Variants in STK17A observed in about 807,000 individuals in gnomAD.
STK17A encodes the protein serine/threonine kinase 17a.
A neutral mutation model predicts 43.7 loss-of-function variants in STK17A; 26 were observed. That is an observed-to-expected ratio of 0.60 (90% CI 0.44 to 0.83). STK17A has a LOEUF of 0.83. STK17A is among the 40% of genes least tolerant of loss of function. The pLI is 0.00. For missense variants in STK17A, 476 were observed against 511.6 expected, an observed-to-expected ratio of 0.93 and a Z score of 0.67; for synonymous variants, 191 against 182.5, an observed-to-expected ratio of 1.05 and a Z score of -0.38.
chr7:43,604,885 C>G (rs2082578292), intron 2 of STK17A, among the ~76,000 whole-genome samples: 2 of 151,806 alleles, frequency 1.3e-5, no homozygotes, highest in African/African-American at 4.8e-5. Flanking sequence ...TTCCCTCCCT[C>G]TCTCTCTCTG....
chr7:43,586,489 G>T (rs1487699110), intron 1 of STK17A, among the ~76,000 whole-genome samples: 2 of 151,434 alleles, frequency 1.3e-5, no homozygotes, highest in Non-Finnish European at 1.5e-5. Flanking sequence ...AAGCTTGACT[G>T]GTTAAGGCTT....
intron 2 of STK17A, among the ~76,000 whole-genome samples, chr7:43,597,639 C>T (rs1232559606): frequency 2.0e-5 from 3 of 152,200 alleles, no homozygotes; most frequent in African/African-American, 7.2e-5. Context: ...TCCACCTCGG[C>T]CTCCCAAAGT....
intron 1 of STK17A, among the ~76,000 whole-genome samples, chr7:43,592,750 C>T (rs1802681533): frequency 6.6e-6 from 1 of 151,036 alleles, no homozygotes; most frequent in Admixed American, 6.6e-5. Flanking sequence ...CTTGTAATTC[C>T]AGCTATTCAG....
chr7:43,610,696 G>A (rs542450584), intron 3 of STK17A, among the ~76,000 whole-genome samples: 1 of 152,114 alleles, frequency 6.6e-6, no homozygotes, highest in Non-Finnish European at 1.5e-5. Context: ...GGCACATTCC[G>A]TAATACCTTT....
chr7:43,606,910 G>A (rs974722760), intron 2 of STK17A, among the ~76,000 whole-genome samples: 1 of 113,224 alleles, frequency 8.8e-6, no homozygotes, highest in Non-Finnish European at 1.9e-5. Flanking sequence ...CTAGCTTTTC[G>A]ATTTTCTTTT....
chr7:43,609,642 CTG>C (rs1325908458), intron 3 of STK17A: 1 of 152,192 alleles, frequency 6.6e-6, no homozygotes, highest in African/African-American at 2.4e-5. Context: ...CCAGGTGCAA[CTG>C]TGGGGAAATG....
chr7:43,590,984 CT>C (rs375396646), intron 1 of STK17A, among the ~76,000 whole-genome samples: 1 of 151,628 alleles, frequency 6.6e-6, no homozygotes, highest in African/African-American at 2.4e-5. Flanking sequence ...TACAATGTGG[CT>C]GTGTAGAACA....
At chr7:43,591,606 T>A (rs2082480379) in intron 1 of STK17A, among the ~76,000 whole-genome samples, 1 of 151,574 alleles carries the variant, frequency 6.6e-6, no homozygotes, top group African/African-American at 2.4e-5. Context: ...TAGTCATTGA[T>A]ATGAAAGGAG....
intron 3 of STK17A, among the ~76,000 whole-genome samples, chr7:43,614,524 T>G (rs1373755771): frequency 6.6e-6 from 1 of 152,234 alleles, no homozygotes; most frequent in African/African-American, 2.4e-5. Context: ...ATCGAAGAAC[T>G]AACAGAGCTT....
chr7:43,593,906 G>GA (rs1364395978), intron 1 of STK17A, among the ~76,000 whole-genome samples: 1 of 151,918 alleles, frequency 6.6e-6, no homozygotes, highest in Non-Finnish European at 1.5e-5. Flanking sequence ...ATTCAAGGTG[G>GA]AAAAAAATCT....
chr7:43,616,069 G>A (rs1008276549), intron 3 of STK17A, among the ~76,000 whole-genome samples: 1 of 152,118 alleles, frequency 6.6e-6, no homozygotes, highest in African/African-American at 2.4e-5. Context: ...CTTGTTTTCT[G>A]TTATTTCCCC....
At chr7:43,595,428 A>G (rs1227927450) in intron 1 of STK17A, among the ~76,000 whole-genome samples, 1 of 151,966 alleles carries the variant, frequency 6.6e-6, no homozygotes, top group African/African-American at 2.4e-5. Flanking sequence ...CAGGCATAGC[A>G]CTACTACACC....
At position 43,608,267 on chromosome 7, in the gene STK17A, G is replaced by T; in HGVS notation, c.431G>T (p.Gly144Val). The part of the protein sequence containing the change: ...MILVLEYAAG[G>V]EIFDQCVADR... ...TTGCCCTTCTCTAGTGCTGCTGGGG[G>T]TGAAATCTTTGACCAGTGTGTTGCA... Residue 144 changes from glycine (G) to valine (V), a missense_variant, in exon 3 of 7, where the codon GGT becomes GTT. By Grantham distance (109) the Gly-to-Val change is moderately radical (BLOSUM62 -3). Around this residue, in one of 3 missense-constraint regions of STK17A, gnomAD observed 320 missense variants for 326.3 expected, o/e 0.98. Coordinates refer to ENST00000319357, the MANE Select transcript of STK17A (RefSeq NM_004760.3). 1.9e-6 allele frequency: 3 copies of T among 1,612,472 alleles called. No individual in the cohort carries two copies. The highest frequency in any genetic ancestry group is 3.4e-5 in the Admixed American group (2 of 59,656).
chr7:43,595,040 G>A (rs1260972881), intron 1 of STK17A, among the ~76,000 whole-genome samples: 2 of 151,918 alleles, frequency 1.3e-5, no homozygotes, highest in East Asian at 1.9e-4. Context: ...TGAGTCCCTG[G>A]TTTACCCACT....
chr7:43,617,303 A>G (rs1293659769), intron 3 of STK17A, among the ~76,000 whole-genome samples: 3 of 152,230 alleles, frequency 2.0e-5, no homozygotes, highest in Non-Finnish European at 4.4e-5. Flanking sequence ...ATATAATACA[A>G]AAGAACCTTC....
intron 1 of STK17A, 139 bp downstream of exon 1, chr7:43,583,588 A>G (rs888680399): frequency 1.3e-6 from 1 of 789,730 alleles, no homozygotes; most frequent in African/African-American, 1.8e-5. Flanking sequence ...ACTTGGCACA[A>G]ACTTGGGTGC....
intron 3 of STK17A, among the ~76,000 whole-genome samples, chr7:43,611,318 T>TG (rs1464494409): frequency 5.3e-5 from 8 of 152,238 alleles, no homozygotes; most frequent in African/African-American, 1.7e-4. Flanking sequence ...TTTTGAAAGA[T>TG]GCCAATGTAA....
chr7:43,612,276 C>T (rs1245021908), intron 3 of STK17A, among the ~76,000 whole-genome samples: 7 of 152,174 alleles, frequency 4.6e-5, no homozygotes, highest in Admixed American at 4.6e-4. Flanking sequence ...TCAGACATGT[C>T]TCTGAGTCAA....
intron 4 of STK17A, chr7:43,622,578 T>C (rs2084017892): frequency 6.6e-6 from 1 of 152,130 alleles, no homozygotes; most frequent in African/African-American, 2.4e-5. Context: ...GTTAAGTGGA[T>C]TGTGAGTAGA....
Sources: allele counts gnomAD v4.1 joint callset (sites outside exome capture counted in the v4.1 genomes callset), GRCh38; gene constraint gnomAD v4.1.1; regional missense constraint gnomAD v4.1.1; transcripts MANE v1.5; gene names NCBI Gene and HGNC (gene_info 2026-07-23, HGNC 2026-07-21).